CPB2: variants seen among roughly 807,000 people sequenced by gnomAD.
CPB2 encodes carboxypeptidase B-like protein.
A neutral mutation model predicts 57.0 loss-of-function variants in CPB2; 54 were observed. The observed-to-expected ratio is 0.95, with a 90% confidence interval of 0.76 to 1.19. The LOEUF (loss-of-function observed/expected upper bound fraction) is 1.19. Among genes scored for constraint, CPB2 ranks in the 50% most tolerant of loss-of-function variants. The pLI is 0.00. For missense variants in CPB2, 426 were observed against 512.0 expected, an observed-to-expected ratio of 0.83 and a Z score of 1.62; for synonymous variants, 189 against 178.1, an observed-to-expected ratio of 1.06 and a Z score of -0.49.
intron 1 of CPB2, among the ~76,000 whole-genome samples, chr13:46,094,180 G>A (rs1282087452): frequency 1.3e-5 from 2 of 152,110 alleles, no homozygotes; most frequent in Non-Finnish European, 2.9e-5. Flanking sequence ...GTCACCCAGT[G>A]GGTTTTCTAG....
At chr13:46,084,376 A>T (rs1164495019) in intron 2 of CPB2, 33 bp from the exon 3 acceptor site, 1 of 1,612,410 alleles carries the variant, frequency 6.2e-7, no homozygotes, top group South Asian at 1.1e-5. Flanking sequence ...GATAAAATTA[A>T]AAAAGAGTTG....
intron 1 of CPB2, among the ~76,000 whole-genome samples, chr13:46,091,847 C>T (rs1362206237): frequency 6.6e-6 from 1 of 152,190 alleles, no homozygotes; most frequent in Non-Finnish European, 1.5e-5. Context: ...CTCATTTCTG[C>T]AGCTCTCCAT....
chr13:46,070,062 A>G (rs2044916219), intron 6 of CPB2, among the ~76,000 whole-genome samples: 1 of 152,226 alleles, frequency 6.6e-6, no homozygotes, highest in Non-Finnish European at 1.5e-5. Flanking sequence ...TTTTGACTTT[A>G]CAATAGCGCA....
chr13:46,079,454 T>G (rs897976982), intron 4 of CPB2, among the ~76,000 whole-genome samples: 10 of 144,544 alleles, frequency 6.9e-5, no homozygotes, highest in Non-Finnish European at 1.5e-4. Flanking sequence ...CCCCAAGAAG[T>G]AGTTCGATTC....
At chr13:46,067,263 T>TC in intron 7 of CPB2, 44 bp downstream of exon 7, 1 of 981,812 alleles carries the variant, frequency 1.0e-6, no homozygotes, top group South Asian at 1.3e-5. Context: ...ATATCCTATA[T>TC]CCCCAAGGAG....
At chr13:46,097,565 G>C (rs985508081) in intron 1 of CPB2, among the ~76,000 whole-genome samples, 3 of 152,122 alleles carry the variant, frequency 2.0e-5, no homozygotes, top group Non-Finnish European at 4.4e-5. Context: ...TTTACAACAA[G>C]GGAATTGCAG....
chr13:46,083,726 T>C (rs17844192), intron 3 of CPB2, among the ~76,000 whole-genome samples: 225 of 152,258 alleles, frequency 1.5e-3, no homozygotes, highest in African/African-American at 5.2e-3. Context: ...TCCCCCAGGG[T>C]CATATAGGTG....
intron 5 of CPB2, among the ~76,000 whole-genome samples, chr13:46,076,945 A>C (rs9567615): frequency 0.34 from 51,900 of 151,702 alleles, 9,028 homozygotes; most frequent in African/African-American, 0.39. Context: ...ACAGATTAGA[A>C]TTAAATGTAA....
chr13:46,103,238 G>A (rs2045458874), intron 1 of CPB2, among the ~76,000 whole-genome samples: 1 of 152,218 alleles, frequency 6.6e-6, no homozygotes, highest in Non-Finnish European at 1.5e-5. Flanking sequence ...GCCAACCTCT[G>A]CAACAACCAG....
chr13:46,065,626 CAAAAAAAAAAAAAA>C (rs397851865), intron 7 of CPB2, among the ~76,000 whole-genome samples: 2 of 62,012 alleles, frequency 3.2e-5, no homozygotes, highest in Non-Finnish European at 5.9e-5. Flanking sequence ...GACTCCGTCT[CAAAAAAAAAAAAAA>C]AAAAAAAAAA....
rs373477415 is a variant in CPB2, at chr13:46,077,425, C to T, written c.486+1375G>A. Among the ~76,000 whole-genome samples the T allele has an allele frequency of 5.9e-5, 9 of 152,160 alleles. No individual in the cohort carries two copies. In the South Asian group the frequency reaches 1.9e-3, roughly 32 times the overall value. ...CTTTTATCCAAAAGACAGGCAATTACGAATGCTAGAGAGGATGTGGAGAAA... is the reference window on the plus strand; with the variant it reads ...CTTTTATCCAAAAGACAGGCAATTATGAATGCTAGAGAGGATGTGGAGAAA... On this transcript the variant is annotated intron_variant, in intron 5 of 10. Coordinates refer to ENST00000181383, the MANE Select transcript of CPB2 (RefSeq NM_001872.5).
At chr13:46,071,054 A>G (rs758187269) in intron 6 of CPB2, among the ~76,000 whole-genome samples, 87 of 152,194 alleles carry the variant, frequency 5.7e-4, no homozygotes, top group Admixed American at 4.6e-4. Context: ...TGCTATTAAT[A>G]TAAGTATGAT....
At chr13:46,103,070 T>A (rs2045455691) in intron 1 of CPB2, among the ~76,000 whole-genome samples, 1 of 152,218 alleles carries the variant, frequency 6.6e-6, no homozygotes, top group Non-Finnish European at 1.5e-5. Flanking sequence ...GGCTACTTCT[T>A]CTATTTGCGT....
intron 3 of CPB2, among the ~76,000 whole-genome samples, chr13:46,083,606 G>T (rs1398613592): frequency 6.6e-6 from 1 of 152,156 alleles, no homozygotes; most frequent in Non-Finnish European, 1.5e-5. Context: ...ACTGTGAGCA[G>T]AAATTGTACC....
At chr13:46,069,847 G>A (rs1428184301) in intron 6 of CPB2, among the ~76,000 whole-genome samples, 2 of 152,124 alleles carry the variant, frequency 1.3e-5, no homozygotes, top group East Asian at 3.8e-4. Flanking sequence ...ATACACCTAG[G>A]AGTAGAACTG....
intron 7 of CPB2, 29 bp downstream of exon 7, chr13:46,067,278 T>C: frequency 8.9e-7 from 1 of 1,124,264 alleles, no homozygotes; most frequent in South Asian, 1.2e-5. Context: ...AAGGAGAACA[T>C]GATTTGTCTT....
At chr13:46,067,114 A>G (rs9526137) in intron 7 of CPB2, among the ~76,000 whole-genome samples, 193 bp downstream of exon 7, 52,186 of 151,906 alleles carry the variant, frequency 0.34, 9,200 homozygotes, top group African/African-American at 0.39. Flanking sequence ...TTGAAGCTCT[A>G]TGATGGGTAG....
At chr13:46,078,672 T>G in intron 5 of CPB2, 128 bp downstream of exon 5, 1 of 673,592 alleles carries the variant, frequency 1.5e-6, no homozygotes, top group Middle Eastern at 2.7e-4. Context: ...GGTATTAAAG[T>G]TGAGGAACAC....
chr13:46,078,906 C>T lies in CPB2; in HGVS notation c.385-5G>A. 6.3e-7 allele frequency: 1 copy of T among 1,576,910 alleles called. No homozygotes were observed. The highest frequency in any genetic ancestry group is 1.1e-5 in the South Asian group (1 of 90,332). ...AAATTCTATCCAAGAATAGATCTAG[C>T]AAAATGGAAACCAGAGGTTAGTCAC... On this transcript the variant is annotated splice_polypyrimidine_tract_variant and splice_region_variant and intron_variant, in intron 4 of 10. Transcript: ENST00000181383.
Sources: allele counts gnomAD v4.1 joint callset (sites outside exome capture counted in the v4.1 genomes callset), GRCh38; gene constraint gnomAD v4.1.1; transcripts MANE v1.5; gene names NCBI Gene and HGNC (gene_info 2026-07-23, HGNC 2026-07-21).